The following UMAD1 variants were observed in gnomAD, a reference collection of about 807,000 sequenced individuals.
UMAD1 encodes the protein UBAP1-MVB12-associated (UMA)-domain containing protein 1.
UMAD1 carries 8 observed loss-of-function variants against 6.1 expected under a neutral mutation model. The ratio of observed to expected loss-of-function variants is 1.30; its 90% CI spans 0.76 to 2.35. The LOEUF (loss-of-function observed/expected upper bound fraction) is 2.35, where lower values mean the gene tolerates loss of function less well. Among genes scored for constraint, UMAD1 ranks in the 30% most tolerant of loss-of-function variants. The probability of loss-of-function intolerance (pLI) is 0.00; values close to 1 mark genes in which losing one functional copy is unlikely to be tolerated. For missense variants in UMAD1, 130 were observed against 78.4 expected, an observed-to-expected ratio of 1.66 and a Z score of -2.49; for synonymous variants, 56 against 31.4, an observed-to-expected ratio of 1.78 and a Z score of -2.61.
intron 2 of UMAD1, among the ~76,000 whole-genome samples, chr7:7,712,685 C>T (rs748123924): frequency 3.3e-5 from 5 of 152,296 alleles, no homozygotes; most frequent in Non-Finnish European, 7.4e-5. Flanking sequence ...GGTCTTACTG[C>T]ATGGTCTAGG....
intron 2 of UMAD1, among the ~76,000 whole-genome samples, chr7:7,787,448 G>T (rs1168075531): frequency 2.6e-5 from 4 of 152,158 alleles, no homozygotes; most frequent in African/African-American, 4.8e-5. Flanking sequence ...GAAAATATAG[G>T]TGTTTAAAAT....
At chr7:7,798,459 G>T (rs1276685364) in intron 2 of UMAD1, among the ~76,000 whole-genome samples, 3 of 152,176 alleles carry the variant, frequency 2.0e-5, no homozygotes, top group Admixed American at 6.5e-5. Flanking sequence ...CTGTGTATTT[G>T]CTTTGAAGGA....
intron 3 of UMAD1, among the ~76,000 whole-genome samples, chr7:7,863,301 G>A (rs1393830608): frequency 4.6e-5 from 7 of 152,186 alleles, no homozygotes; most frequent in Non-Finnish European, 7.3e-5. Context: ...AATTTAGTGA[G>A]TTGTGAGGTT....
intron 3 of UMAD1, among the ~76,000 whole-genome samples, chr7:7,853,413 A>G (rs934935737): frequency 4.6e-5 from 7 of 152,114 alleles, no homozygotes; most frequent in African/African-American, 1.4e-4. Context: ...GAGTATTGCC[A>G]TCTTAACAAT....
At chr7:7,828,039 G>C (rs777191245) in intron 3 of UMAD1, among the ~76,000 whole-genome samples, 3 of 152,036 alleles carry the variant, frequency 2.0e-5, no homozygotes, top group Non-Finnish European at 4.4e-5. Flanking sequence ...CAGGTTATTG[G>C]GTAATGTTTA....
rs77414938 is a variant in UMAD1 at position 7,769,691 on chromosome 7, G to T, written c.83-31979G>T. Among the ~76,000 whole-genome samples the T allele has an allele frequency of 1.8e-3, 268 of 152,296 alleles. 1 individual carries two copies. The highest frequency in any genetic ancestry group is 6.2e-3 in the African/African-American group (258 of 41,548). ...TAGGGGGAAGTGCATTTATGTAGAG[G>T]AAGCAGCATGTCCTACGACGGAGTC... On this transcript the variant is annotated intron_variant, in intron 2 of 3. Coordinates refer to ENST00000682710, the MANE Select transcript of UMAD1 (RefSeq NM_001302348.2).
At chr7:7,717,529 A>G in intron 2 of UMAD1, among the ~76,000 whole-genome samples, 1 of 152,198 alleles carries the variant, frequency 6.6e-6, no homozygotes, top group East Asian at 1.9e-4. Context: ...TTGAAGTAAA[A>G]TGTTTAAGGT....
chr7:7,730,989 A>G (rs1287682343), intron 2 of UMAD1, among the ~76,000 whole-genome samples: 1 of 152,014 alleles, frequency 6.6e-6, no homozygotes, highest in Non-Finnish European at 1.5e-5. Context: ...AAAATGATCA[A>G]GTATGTTTTT....
chr7:7,830,516 T>G lies in UMAD1; in HGVS notation c.156+28773T>G, dbSNP rs1783442770. On this transcript the variant is annotated intron_variant, in intron 3 of 3. Transcript: ENST00000682710. The surrounding 1 kb of genome is among the most constrained non-coding windows in gnomAD (Gnocchi z 5.3). Reference sequence around the variant, plus strand: ...TCTTTCTTTTCCCTTTTTCGTTTCTTTTCTTTCTTTTAACATGCGTGTTTT... The same window carrying G: ...TCTTTCTTTTCCCTTTTTCGTTTCTGTTCTTTCTTTTAACATGCGTGTTTT... Among the ~76,000 whole-genome samples, 1 of 152,128 alleles carries G rather than the reference T, an allele frequency of 6.6e-6. No individual in the cohort carries two copies.
chr7:7,802,480 C>T (rs1418238865), intron 3 of UMAD1, among the ~76,000 whole-genome samples: 1 of 151,938 alleles, frequency 6.6e-6, no homozygotes, highest in Admixed American at 6.6e-5. Context: ...GGTATTTATT[C>T]TTTTTCACAT....
chr7:7,787,780 C>G (rs984388195), intron 2 of UMAD1, among the ~76,000 whole-genome samples: 2 of 152,184 alleles, frequency 1.3e-5, no homozygotes, highest in Non-Finnish European at 2.9e-5. Flanking sequence ...CTGAGCTACC[C>G]TGTCCTTATT....
chr7:7,719,626 G>A (rs975848624), intron 2 of UMAD1, among the ~76,000 whole-genome samples: 8 of 149,880 alleles, frequency 5.3e-5, no homozygotes, highest in Non-Finnish European at 1.0e-4. Flanking sequence ...GCTATAGACA[G>A]CCATGGAAAG....
chr7:7,703,535 C>G (rs867248876), intron 2 of UMAD1, among the ~76,000 whole-genome samples: 1 of 152,084 alleles, frequency 6.6e-6, no homozygotes, highest in Non-Finnish European at 1.5e-5. Flanking sequence ...TATATTGAAT[C>G]CCAGAGGTCC....
intron 2 of UMAD1, among the ~76,000 whole-genome samples, chr7:7,702,064 A>G (rs915735796): frequency 2.6e-5 from 4 of 152,284 alleles, no homozygotes; most frequent in African/African-American, 9.6e-5. Flanking sequence ...ATATATTCAC[A>G]TATAGTTGAA....
At chr7:7,703,270 T>G (rs964581852) in intron 2 of UMAD1, among the ~76,000 whole-genome samples, 6 of 152,198 alleles carry the variant, frequency 3.9e-5, no homozygotes, top group Non-Finnish European at 7.4e-5. Flanking sequence ...ATAAAAATAA[T>G]GTAGTTTCCT....
chr7:7,829,839 C>T (rs959663665), intron 3 of UMAD1, among the ~76,000 whole-genome samples: 4 of 152,100 alleles, frequency 2.6e-5, no homozygotes, highest in Non-Finnish European at 5.9e-5. Context: ...AGGCAAGGCA[C>T]CCTCAAGTCA....
Position 7,877,495 on chromosome 7 carries a change from G to T in UMAD1, c.371G>T (p.Trp124Leu). 1 of 717,438 alleles carries T rather than the reference G, an allele frequency of 1.4e-6. No individual in the cohort carries two copies. The highest frequency in any genetic ancestry group is 1.5e-5 in the South Asian group (1 of 67,598). The allele number at this position is 717,438 out of a possible 1,614,324, so 44.4% of individuals were successfully genotyped here. A position where few individuals can be genotyped will look rare whatever the true frequency, so the allele number is the denominator to read the frequency against. The change falls in exon 4 of 4, where the codon TGG becomes TTG. Residue 124 changes from tryptophan to leucine, a missense_variant. By Grantham distance (61) the Trp-to-Leu change is moderately conservative (BLOSUM62 -2). Coordinates refer to ENST00000682710, the MANE Select transcript of UMAD1 (RefSeq NM_001302348.2). Reference protein sequence around the residue: ...YDGSENLSRFWYDFTLENSVL... With the variant: ...YDGSENLSRFLYDFTLENSVL... ...GGCAGCGAAAACTTATCACGGTTTT[G>T]GTATGATTTCACTCTTGAAAATTCA...
At chr7:7,844,742 G>A (rs1253551308) in intron 3 of UMAD1, among the ~76,000 whole-genome samples, 1 of 152,036 alleles carries the variant, frequency 6.6e-6, no homozygotes, top group Non-Finnish European at 1.5e-5. Flanking sequence ...CCATCCACAG[G>A]TTTCTCATCC....
At chr7:7,793,942 C>A (rs945846213) in intron 2 of UMAD1, among the ~76,000 whole-genome samples, 1 of 151,924 alleles carries the variant, frequency 6.6e-6, no homozygotes, top group African/African-American at 2.4e-5. Context: ...AAATACACTT[C>A]GAAAAAAAAT....
Sources: allele counts gnomAD v4.1 joint callset (sites outside exome capture counted in the v4.1 genomes callset), GRCh38; gene constraint gnomAD v4.1.1; non-coding constraint Gnocchi (gnomAD v3.1); transcripts MANE v1.5; gene names NCBI Gene and HGNC (gene_info 2026-07-23, HGNC 2026-07-21).